Variants in MAGI2 observed in about 807,000 individuals in gnomAD.
The protein encoded by MAGI2 is membrane-associated guanylate kinase, WW and PDZ domain-containing protein 2.
In MAGI2, 35 loss-of-function variants were observed where a neutral mutation model predicts 133.3. The observed-to-expected ratio is 0.26, with a 90% CI of 0.20 to 0.35. MAGI2 has a LOEUF of 0.35. Among genes scored for constraint, MAGI2 ranks in the 10% least tolerant of loss-of-function variants. MAGI2 has a pLI of 1.00. For missense variants in MAGI2, 1,636 were observed against 1,863.4 expected, an observed-to-expected ratio of 0.88 and a Z score of 2.25; for synonymous variants, 729 against 710.6, an observed-to-expected ratio of 1.03 and a Z score of -0.41.
At chr7:78,063,558 A>G (rs970776497) in intron 21 of MAGI2, among the ~76,000 whole-genome samples, 1 of 152,092 alleles carries the variant, frequency 6.6e-6, no homozygotes, top group African/African-American at 2.4e-5. Flanking sequence ...CTATTTTTTA[A>G]AGGGCTCCTC....
rs58640913 is a variant in MAGI2 at position 79,237,166 on chromosome 7, C to G, written c.301+215854G>C. ...ATAATGATAATACATTAAAATGGGT[C>G]TTTACAAACTCACAAAATATTTTCT... On this transcript the variant is annotated intron_variant, in intron 1 of 21. Coordinates refer to ENST00000354212, the MANE Select transcript of MAGI2 (RefSeq NM_012301.4). Among the ~76,000 whole-genome samples, 1,206 of 152,312 alleles carry G rather than the reference C, an allele frequency of 7.9e-3. 17 individuals are homozygous for G. The highest frequency in any genetic ancestry group is 0.027 in the African/African-American group (1,138 of 41,564).
chr7:79,372,995 A>T (rs988442654), intron 1 of MAGI2, among the ~76,000 whole-genome samples: 2 of 152,074 alleles, frequency 1.3e-5, no homozygotes, highest in African/African-American at 4.8e-5. Context: ...AGCTATCTAC[A>T]GTTGCTATAA....
chr7:78,699,668 CTACTT>C (rs1479673797), intron 2 of MAGI2, among the ~76,000 whole-genome samples: 2 of 152,064 alleles, frequency 1.3e-5, no homozygotes, highest in Admixed American at 6.6e-5. Flanking sequence ...TTGTATTTTC[CTACTT>C]TACTTGGCAA....
In MAGI2 at chr7:79,399,095, C is replaced by CTTTTTTTTTTTTTTT. The variant is rs767332496; in HGVS notation, c.301+53910_301+53924dup. ...GTATTATTTCTTTTTTTTTTCTTTT[C>CTTTTTTTTTTTTTTT]TTTTTTTTTTTTTTTGGGAGATGGA... On this transcript the variant is annotated intron_variant, in intron 1 of 21. Transcript: ENST00000354212. Among the ~76,000 whole-genome samples, 29 of 106,276 alleles carry CTTTTTTTTTTTTTTT rather than the reference C, an allele frequency of 2.7e-4. 1 individual carries two copies. The highest frequency in any genetic ancestry group is 9.9e-4 in the Admixed American group (10 of 10,122). 69.7% of individuals were successfully genotyped at this position (106,276 alleles called of 152,430 possible). A position where few individuals can be genotyped will look rare whatever the true frequency, so the allele number is the denominator to read the frequency against.
intron 2 of MAGI2, among the ~76,000 whole-genome samples, chr7:78,942,352 A>G (rs1563689354): frequency 6.6e-6 from 1 of 152,270 alleles, no homozygotes; most frequent in South Asian, 2.1e-4. Flanking sequence ...TGGAAAAAAA[A>G]TCTTGAAAAA....
At chr7:78,461,551 A>G (rs1790020870) in intron 6 of MAGI2, among the ~76,000 whole-genome samples, 1 of 152,068 alleles carries the variant, frequency 6.6e-6, no homozygotes, top group Non-Finnish European at 1.5e-5. Flanking sequence ...TATAGCCTAA[A>G]ACAAAGATTT....
chr7:79,326,060 C>T (rs189921155), intron 1 of MAGI2, among the ~76,000 whole-genome samples: 2 of 152,238 alleles, frequency 1.3e-5, no homozygotes, highest in East Asian at 3.9e-4. Flanking sequence ...CAAAAACATT[C>T]ACACACACAT....
intron 1 of MAGI2, among the ~76,000 whole-genome samples, chr7:79,189,588 T>A (rs1047276272): frequency 6.6e-6 from 1 of 151,788 alleles, no homozygotes; most frequent in Non-Finnish European, 1.5e-5. Context: ...TTGCAATATG[T>A]TATATTTGTT....
At chr7:79,017,220 G>A (rs1472299765) in intron 1 of MAGI2, among the ~76,000 whole-genome samples, 1 of 152,182 alleles carries the variant, frequency 6.6e-6, no homozygotes, top group Non-Finnish European at 1.5e-5. Context: ...AACAATTCAG[G>A]CCCCTCCAGT....
At chr7:79,008,771 T>A (rs1467957157) in intron 1 of MAGI2, 1 of 152,178 alleles carries the variant, frequency 6.6e-6, no homozygotes. Context: ...ATTATTTACT[T>A]CTCCAAATGC....
intron 1 of MAGI2, among the ~76,000 whole-genome samples, chr7:79,221,244 A>AATTTT (rs1830423945): frequency 6.6e-6 from 1 of 152,106 alleles, no homozygotes; most frequent in East Asian, 1.9e-4. Flanking sequence ...TTTAAATTAG[A>AATTTT]AAATTATTTC....
intron 3 of MAGI2, among the ~76,000 whole-genome samples, chr7:78,559,287 T>A (rs1490668855): frequency 1.3e-5 from 2 of 151,026 alleles, no homozygotes; most frequent in Non-Finnish European, 3.0e-5. Context: ...TATTTTGGAC[T>A]TTCTTCTCAC....
chr7:79,254,657 C>T (rs1033302988), intron 1 of MAGI2, among the ~76,000 whole-genome samples: 3 of 152,160 alleles, frequency 2.0e-5, no homozygotes, highest in Non-Finnish European at 2.9e-5. Flanking sequence ...TTAAATTTTC[C>T]TAAAATATAT....
chr7:79,042,177 C>G (rs1049438627), intron 1 of MAGI2, among the ~76,000 whole-genome samples: 2 of 152,018 alleles, frequency 1.3e-5, no homozygotes, highest in Non-Finnish European at 2.9e-5. Flanking sequence ...TTAAAATGAA[C>G]AAGACTTTGC....
chr7:78,673,068 C>T lies in MAGI2; in HGVS notation c.419-45829G>A, dbSNP rs193147839. 2.0e-5 allele frequency among the ~76,000 whole-genome samples: 3 copies of T among 152,228 alleles called. No homozygotes were observed. The East Asian group carries it at 5.8e-4, about 29-fold the overall frequency. ...TGTTTCTTTTCATCTTTTATCAATA[C>T]CTTTGTTTTACCACTTTCTGATCAC... On this transcript the variant is annotated intron_variant, in intron 2 of 21. Transcript: ENST00000354212.
At chr7:78,861,310 C>T (rs1044788809) in intron 2 of MAGI2, among the ~76,000 whole-genome samples, 1 of 152,224 alleles carries the variant, frequency 6.6e-6, no homozygotes, top group African/African-American at 2.4e-5. Context: ...CTGCATCGCT[C>T]ATGCTGGGAG....
At chr7:78,735,653 G>A (rs1318557446) in intron 2 of MAGI2, among the ~76,000 whole-genome samples, 2 of 152,140 alleles carry the variant, frequency 1.3e-5, no homozygotes, top group African/African-American at 4.8e-5. Context: ...GCCTTTGTGT[G>A]TTAGGTGAAC....
At chr7:78,140,414 A>G (rs1023061368) in intron 16 of MAGI2, among the ~76,000 whole-genome samples, 1 of 152,234 alleles carries the variant, frequency 6.6e-6, no homozygotes, top group South Asian at 2.1e-4. Context: ...ATGTGGAGAA[A>G]GTATTAAAAA....
intron 2 of MAGI2, among the ~76,000 whole-genome samples, chr7:78,990,841 T>C (rs1334642214): frequency 6.6e-6 from 1 of 151,730 alleles, no homozygotes; most frequent in African/African-American, 2.4e-5. Context: ...TCTGTAAATA[T>C]CCACCTGCAC....
Sources: allele counts gnomAD v4.1 joint callset (sites outside exome capture counted in the v4.1 genomes callset), GRCh38; gene constraint gnomAD v4.1.1; transcripts MANE v1.5; gene names NCBI Gene and HGNC (gene_info 2026-07-23, HGNC 2026-07-21).